The following ARHGEF28 variants were observed in gnomAD, a reference collection of about 807,000 sequenced individuals.
ARHGEF28 encodes 190 kDa guanine nucleotide exchange factor.
ARHGEF28 carries 152 observed loss-of-function variants against 206.6 expected under a neutral mutation model. The observed-to-expected ratio is 0.74, with a 90% CI of 0.64 to 0.84. ARHGEF28 has a LOEUF of 0.84. ARHGEF28 is among the 40% of genes least tolerant of loss of function. The pLI is 0.00. For synonymous variants in ARHGEF28, 763 were observed against 776.4 expected, an observed-to-expected ratio of 0.98 and a Z score of 0.29; for missense variants, 2,028 against 2,073.2, an observed-to-expected ratio of 0.98 and a Z score of 0.42.
chr5:73,884,744 A>G (rs1761154934), intron 24 of ARHGEF28, among the ~76,000 whole-genome samples: 1 of 136,018 alleles, frequency 7.4e-6, no homozygotes, highest in Non-Finnish European at 1.6e-5. Context: ...AGTTGCCTTA[A>G]TAAACATCAA....
At chr5:73,726,169 T>C (rs1236629741) in intron 2 of ARHGEF28, among the ~76,000 whole-genome samples, 15 of 152,182 alleles carry the variant, frequency 9.9e-5, no homozygotes, top group Admixed American at 6.5e-5. Context: ...TGTGCCTGTG[T>C]GTGCACAAAT....
At chr5:73,740,207 G>A (rs369497779) in intron 2 of ARHGEF28, among the ~76,000 whole-genome samples, 4 of 147,890 alleles carry the variant, frequency 2.7e-5, no homozygotes, top group Non-Finnish European at 4.5e-5. Flanking sequence ...AAGGAGAAGC[G>A]AAAAATGAAC....
chr5:73,660,262 G>A (rs1455795367), intron 1 of ARHGEF28, among the ~76,000 whole-genome samples: 2 of 152,110 alleles, frequency 1.3e-5, no homozygotes, highest in East Asian at 1.9e-4. Context: ...TCCATAATAA[G>A]CAACTCTTCA....
intron 9 of ARHGEF28, among the ~76,000 whole-genome samples, chr5:73,816,145 G>A (rs886366629): frequency 3.3e-5 from 5 of 152,144 alleles, no homozygotes; most frequent in Non-Finnish European, 5.9e-5. Context: ...GTTCTTGAGG[G>A]TATGGTGAAG....
chr5:73,779,398 A>T (rs1002160710), intron 6 of ARHGEF28, among the ~76,000 whole-genome samples: 1 of 152,216 alleles, frequency 6.6e-6, no homozygotes, highest in African/African-American at 2.4e-5. Flanking sequence ...GTATATTCAA[A>T]ATTACTTATA....
At chr5:73,863,380 A>G (rs953726032) in intron 16 of ARHGEF28, 1 of 151,890 alleles carries the variant, frequency 6.6e-6, no homozygotes, top group Non-Finnish European at 1.5e-5. Context: ...TCTGCTATCT[A>G]TGTTCGTTGT....
chr5:73,793,351 C>T (rs946125664), intron 7 of ARHGEF28, among the ~76,000 whole-genome samples: 1 of 152,212 alleles, frequency 6.6e-6, no homozygotes, highest in Non-Finnish European at 1.5e-5. Flanking sequence ...ATACCTTATA[C>T]ATTTTCTAAG....
Position 73,873,032 on chromosome 5 carries a change from C to A in ARHGEF28, c.2600C>A (p.Thr867Asn), listed in dbSNP as rs746361693. 3.1e-6 allele frequency: 5 copies of A among 1,613,736 alleles called. No homozygotes were observed. The highest frequency in any genetic ancestry group is 4.2e-6 in the Non-Finnish European group (5 of 1,179,780). ...CAAACAGAGATGCATCACATCCAGA[C>A]CCTGTTCATCATGTCTGAGATCTTC... ...LMQTEMHHIQTLFIMSEIFRK... is the reference protein window; with the variant it reads ...LMQTEMHHIQNLFIMSEIFRK... The change falls in exon 22 of 36, where the codon ACC becomes AAC. Residue 867 changes from threonine (T) to asparagine (N), a missense_variant. Physicochemically the swap from Thr to Asn is moderately conservative, Grantham distance 65. Around this residue, in one of 3 missense-constraint regions of ARHGEF28, gnomAD observed 223 missense variants for 289.9 expected, o/e 0.77. Coordinates refer to ENST00000513042, the MANE Select transcript of ARHGEF28 (RefSeq NM_001177693.2).
intron 14 of ARHGEF28, among the ~76,000 whole-genome samples, chr5:73,855,075 G>C (rs1032113054): frequency 6.6e-6 from 1 of 152,130 alleles, no homozygotes; most frequent in African/African-American, 2.4e-5. Flanking sequence ...GTTCTGGGAT[G>C]TTAAAAATAA....
At chr5:73,921,609 G>T (rs1316949236) in intron 35 of ARHGEF28, among the ~76,000 whole-genome samples, 1 of 152,192 alleles carries the variant, frequency 6.6e-6, no homozygotes, top group African/African-American at 2.4e-5. Flanking sequence ...TCATAGTAAG[G>T]CTGTTCAAAT....
At chr5:73,854,092 A>ACT (rs1758869494) in intron 14 of ARHGEF28, among the ~76,000 whole-genome samples, 1 of 142,322 alleles carries the variant, frequency 7.0e-6, no homozygotes, top group South Asian at 2.3e-4. Flanking sequence ...AAAGCATCTT[A>ACT]CTCTCTCAGT....
At position 73,909,683 on chromosome 5, in the gene ARHGEF28, A is replaced by G; in HGVS notation, c.4433A>G (p.Glu1478Gly). Residue 1478 changes from glutamate (E) to glycine (G), a missense_variant, in exon 34 of 36, where the codon GAG becomes GGG. By Grantham distance (98) the Glu-to-Gly change is moderately conservative. Around this residue, in one of 3 missense-constraint regions of ARHGEF28, gnomAD observed 803 missense variants for 768.0 expected, o/e 1.05. Coordinates refer to ENST00000513042, the MANE Select transcript of ARHGEF28 (RefSeq NM_001177693.2). ...RESWLQERER[E>G]CQSQEELLLR... Reference sequence around the variant, plus strand: ...AGCTGGCTGCAGGAGCGGGAGCGGGAGTGCCAGTCGCAGGAGGAGCTGCTG... The same window carrying G: ...AGCTGGCTGCAGGAGCGGGAGCGGGGGTGCCAGTCGCAGGAGGAGCTGCTG... 5 of 1,538,154 alleles carry G rather than the reference A, an allele frequency of 3.3e-6. No individual in the cohort carries two copies. The highest frequency in any genetic ancestry group is 4.4e-6 in the Non-Finnish European group (5 of 1,140,978).
At chr5:73,684,685 C>G (rs549166279) in intron 1 of ARHGEF28, 156 bp from the exon 2 acceptor site, 1 of 472,752 alleles carries the variant, frequency 2.1e-6, no homozygotes, top group African/African-American at 2.0e-5. Context: ...ATTTAGATAG[C>G]ATCTTAGTCC....
At chr5:73,793,587 C>G (rs762337808) in intron 7 of ARHGEF28, among the ~76,000 whole-genome samples, 1 of 152,116 alleles carries the variant, frequency 6.6e-6, no homozygotes, top group Non-Finnish European at 1.5e-5. Flanking sequence ...AGGAGTGAGA[C>G]CCCACAATGT....
Position 73,864,450 on chromosome 5 carries a change from G to A in ARHGEF28, c.2048-367G>A, listed in dbSNP as rs72772553. On this transcript the variant is annotated intron_variant, in intron 16 of 35. Coordinates refer to ENST00000513042, the MANE Select transcript of ARHGEF28 (RefSeq NM_001177693.2). ...ATTTTACCCAGTGTGGGAGTGGGGA[G>A]TTACTACCAGCCAGGTGTCAGAAAT... Among the ~76,000 whole-genome samples the A allele has an allele frequency of 9.3e-4, 142 of 152,230 alleles. 1 individual carries two copies. Among genetic ancestry groups the A allele is most frequent in the Non-Finnish European group, 1.9e-3 (126 of 68,002 alleles).
At chr5:73,858,902 C>G (rs2112614825) in intron 16 of ARHGEF28, among the ~76,000 whole-genome samples, 1 of 152,340 alleles carries the variant, frequency 6.6e-6, no homozygotes, top group South Asian at 2.1e-4. Context: ...CTCCCCCTCC[C>G]TTACTCCCTC....
intron 2 of ARHGEF28, among the ~76,000 whole-genome samples, chr5:73,701,539 T>C (rs1748601387): frequency 6.6e-6 from 1 of 152,142 alleles, no homozygotes; most frequent in South Asian, 2.1e-4. Context: ...TTTTGATGGC[T>C]CAGAATTGCA....
chr5:73,886,201 C>A (rs1761283327), intron 25 of ARHGEF28, 97 bp downstream of exon 25: 32 of 1,417,374 alleles, frequency 2.3e-5, no homozygotes, highest in Non-Finnish European at 2.7e-5. Context: ...GAATTGCAGG[C>A]ACACATGCGC....
At chr5:73,759,442 C>A (rs1453166492) in intron 4 of ARHGEF28, among the ~76,000 whole-genome samples, 1 of 152,098 alleles carries the variant, frequency 6.6e-6, no homozygotes, top group African/African-American at 2.4e-5. Flanking sequence ...TCTGCTCTTG[C>A]CTGAATAGGG....
Sources: allele counts gnomAD v4.1 joint callset (sites outside exome capture counted in the v4.1 genomes callset), GRCh38; gene constraint gnomAD v4.1.1; regional missense constraint gnomAD v4.1.1; transcripts MANE v1.5; gene names NCBI Gene and HGNC (gene_info 2026-07-23, HGNC 2026-07-21).